TMEM117: variants seen among roughly 807,000 people sequenced by gnomAD.
TMEM117 encodes transmembrane protein 117.
In TMEM117, 27 loss-of-function variants were observed where a neutral mutation model predicts 52.4. That is an observed-to-expected ratio of 0.51 (90% CI 0.38 to 0.71). TMEM117 has a LOEUF of 0.71. TMEM117 is among the 30% of genes least tolerant of loss of function. The pLI is 0.00. For missense variants in TMEM117, 556 were observed against 630.5 expected (o/e 0.88, Z 1.26); for synonymous variants, 215 against 206.3 (o/e 1.04, Z -0.36).
At chr12:44,308,619 CTTTTTTT>C (rs35047531) in intron 6 of TMEM117, among the ~76,000 whole-genome samples, 2 of 137,962 alleles carry the variant, frequency 1.4e-5, no homozygotes, top group African/African-American at 5.5e-5. Context: ...TTCTTTGTAA[CTTTTTTT>C]TTTTTTTTTT....
intron 7 of TMEM117, among the ~76,000 whole-genome samples, chr12:44,377,555 CTCA>C (rs1385915313): frequency 6.6e-6 from 1 of 152,138 alleles, no homozygotes; most frequent in Non-Finnish European, 1.5e-5. Flanking sequence ...ATCAGTCATT[CTCA>C]TCTAAAAAGG....
intron 3 of TMEM117, among the ~76,000 whole-genome samples, chr12:44,038,901 G>A (rs2137890332): frequency 6.6e-6 from 1 of 152,294 alleles, no homozygotes; most frequent in South Asian, 2.1e-4. Flanking sequence ...GGTACCCACT[G>A]CTCAGCTACA....
At chr12:44,204,683 G>A (rs1480869806) in intron 4 of TMEM117, among the ~76,000 whole-genome samples, 1 of 152,054 alleles carries the variant, frequency 6.6e-6, no homozygotes, top group Non-Finnish European at 1.5e-5. Flanking sequence ...AACCAAAACA[G>A]CATATTGGTA....
At chr12:44,361,863 A>C (rs1951725974) in intron 6 of TMEM117, among the ~76,000 whole-genome samples, 1 of 152,134 alleles carries the variant, frequency 6.6e-6, no homozygotes. Context: ...AGAAGTACTA[A>C]GGTCTATTTC....
At chr12:43,941,771 T>C (rs899284542) in intron 2 of TMEM117, among the ~76,000 whole-genome samples, 1 of 152,242 alleles carries the variant, frequency 6.6e-6, no homozygotes, top group Admixed American at 6.5e-5. Context: ...TGCCATTTTG[T>C]TCTAATGACA....
chr12:44,133,019 C>T (rs780336526), intron 3 of TMEM117, among the ~76,000 whole-genome samples: 1 of 152,168 alleles, frequency 6.6e-6, no homozygotes, highest in Non-Finnish European at 1.5e-5. Context: ...AGTGAGTTTT[C>T]CATAATATCT....
chr12:44,281,764 A>G (rs1950579796), intron 5 of TMEM117, among the ~76,000 whole-genome samples: 1 of 152,236 alleles, frequency 6.6e-6, no homozygotes, highest in East Asian at 1.9e-4. Context: ...CTACATGAAT[A>G]ATAATGGATA....
intron 1 of TMEM117, among the ~76,000 whole-genome samples, chr12:43,838,672 TCTTA>T (rs890466308): frequency 1.8e-4 from 27 of 149,852 alleles, no homozygotes; most frequent in Admixed American, 1.6e-3. Context: ...TAGTACTTAC[TCTTA>T]CTTCCTTCCC....
At chr12:44,189,383 G>T (rs1949322164) in intron 4 of TMEM117, among the ~76,000 whole-genome samples, 1 of 152,084 alleles carries the variant, frequency 6.6e-6, no homozygotes, top group Non-Finnish European at 1.5e-5. Context: ...CAGTGAAAAA[G>T]AATATAAAGA....
chr12:44,227,365 G>A (rs1211428040), intron 5 of TMEM117, among the ~76,000 whole-genome samples: 1 of 152,104 alleles, frequency 6.6e-6, no homozygotes, highest in Non-Finnish European at 1.5e-5. Context: ...TTGGGAGGCT[G>A]AGGTGAGCAG....
At chr12:44,032,047 G>A (rs1327141246) in intron 3 of TMEM117, among the ~76,000 whole-genome samples, 2 of 152,116 alleles carry the variant, frequency 1.3e-5, no homozygotes, top group African/African-American at 2.4e-5. Flanking sequence ...AGTTATCCTG[G>A]GACCTCATAA....
At chr12:44,268,878 C>A (rs1950412755) in intron 5 of TMEM117, among the ~76,000 whole-genome samples, 1 of 152,136 alleles carries the variant, frequency 6.6e-6, no homozygotes, top group African/African-American at 2.4e-5. Flanking sequence ...TTGTTTCCCT[C>A]CCAGATCACA....
chr12:43,984,463 T>C (rs1565780809), intron 3 of TMEM117, among the ~76,000 whole-genome samples: 1 of 152,176 alleles, frequency 6.6e-6, no homozygotes, highest in East Asian at 1.9e-4. Context: ...ATGACTACTA[T>C]ATTACATTGA....
At chr12:44,344,129 T>C (rs1329689341) in intron 6 of TMEM117, among the ~76,000 whole-genome samples, 1 of 152,112 alleles carries the variant, frequency 6.6e-6, no homozygotes, top group African/African-American at 2.4e-5. Flanking sequence ...AAATCACAAC[T>C]ACTATGCCAG....
At chr12:44,245,972 T>C (rs920161622) in intron 5 of TMEM117, among the ~76,000 whole-genome samples, 2 of 152,096 alleles carry the variant, frequency 1.3e-5, no homozygotes, top group Non-Finnish European at 2.9e-5. Flanking sequence ...GTATGCACCA[T>C]TTTTTAAAAA....
chr12:43,919,047 C>T (rs780722061), intron 2 of TMEM117, among the ~76,000 whole-genome samples: 6 of 152,130 alleles, frequency 3.9e-5, no homozygotes, highest in Non-Finnish European at 7.4e-5. Flanking sequence ...AGTTCAAAAA[C>T]TTCGGTGTTG....
chr12:43,918,354 C>G (rs972266108), intron 2 of TMEM117, among the ~76,000 whole-genome samples: 2 of 152,144 alleles, frequency 1.3e-5, no homozygotes, highest in Non-Finnish European at 2.9e-5. Context: ...TAGAACATCT[C>G]TTGCAGGGGT....
chr12:44,171,997 C>T (rs1283607563), intron 4 of TMEM117, among the ~76,000 whole-genome samples: 3 of 152,090 alleles, frequency 2.0e-5, no homozygotes, highest in Admixed American at 2.0e-4. Context: ...CAAAGATGGC[C>T]AGAATAAAAC....
chr12:44,326,497 A>C (rs1157534513), intron 6 of TMEM117, among the ~76,000 whole-genome samples: 1 of 152,198 alleles, frequency 6.6e-6, no homozygotes, highest in Non-Finnish European at 1.5e-5. Flanking sequence ...TTTAGCTTGA[A>C]GCATAGACTT....
Sources: gnomAD v4.1 joint callset for allele counts (sites outside exome capture counted in the v4.1 genomes callset) on GRCh38, gnomAD v4.1.1 for gene constraint, MANE v1.5 for transcripts, NCBI Gene and HGNC (gene_info 2026-07-23, HGNC 2026-07-21) for gene names.